KIFC3: variants seen among roughly 807,000 people sequenced by gnomAD.
KIFC3 encodes kinesin family member C3.
In KIFC3, 60 loss-of-function variants were observed where a neutral mutation model predicts 101.8. The observed-to-expected ratio is 0.59, with a 90% confidence interval of 0.48 to 0.73. The LOEUF is 0.73. Among genes scored for constraint, KIFC3 ranks in the 30% least tolerant of loss-of-function variants. The probability of loss-of-function intolerance (pLI) is 0.00; values close to 1 mark genes in which losing one functional copy is unlikely to be tolerated. For missense variants in KIFC3, 966 were observed against 1,137.1 expected (o/e 0.85, Z 2.16); for synonymous variants, 476 against 482.7 (o/e 0.99, Z 0.18).
At chr16:57,828,344 G>A (rs16959396) in intron 1 of KIFC3, among the ~76,000 whole-genome samples, 12,569 of 152,322 alleles carry the variant, frequency 0.083, 931 homozygotes, top group East Asian at 0.21. Context: ...ACCGGGACTC[G>A]GCCCAAGGCT....
Position 57,765,569 on chromosome 16 carries a change from C to G in KIFC3, c.1402G>C (p.Ala468Pro). Residue 468 changes from alanine (A) to proline (P), a missense_variant, in exon 11 of 20, where the codon GCT (alanine) becomes CCT (proline). Coordinates refer to ENST00000445690, the MANE Select transcript of KIFC3 (RefSeq NM_001130100.2). ...TCGTCGTCGGCATCGAAAGTCACAG[C>G]ATTGGTGGCCTCAGGTCCTTCCCCA... ...EDGEGPEATN[A>P]VTFDADDDSI... 6.2e-7 allele frequency: 1 copy of G among 1,609,568 alleles called. No homozygotes were observed. The highest frequency in any genetic ancestry group is 8.5e-7 in the Non-Finnish European group (1 of 1,177,870).
chr16:57,802,995 G>T (rs1555626105), upstream of KIFC3: 1 of 1,535,790 alleles, frequency 6.5e-7, no homozygotes. The surrounding 1 kb of genome is among the most constrained non-coding windows in gnomAD (Gnocchi z 5.0). Context: ...CCGTGTCCTT[G>T]CACGCGCTGG....
chr16:57,763,476 A>T (rs907860386), intron 12 of KIFC3, among the ~76,000 whole-genome samples: 7 of 151,766 alleles, frequency 4.6e-5, no homozygotes, highest in Admixed American at 3.3e-4. Flanking sequence ...ACGCCACACC[A>T]CCTGGCCTCC....
rs1282504308 is a variant in KIFC3 at position 57,776,267 on chromosome 16, C to T, written c.316-3979G>A. ...CAAGGAAACTCAGCCCAGAGGCCAG[C>T]GGGGCGGCCCTGGGAGCACACCCTG... On this transcript the variant is annotated intron_variant, in intron 3 of 19. Coordinates refer to ENST00000445690, the MANE Select transcript of KIFC3 (RefSeq NM_001130100.2). 8.1e-6 allele frequency: 8 copies of T among 985,336 alleles called. No homozygotes were observed. In the African/African-American group the frequency reaches 1.0e-4, roughly 13 times the overall value. The allele number at this position is 985,336 out of a possible 1,614,324, so 61.0% of individuals were successfully genotyped here. A position where few individuals can be genotyped will look rare whatever the true frequency, so the allele number is the denominator to read the frequency against.
chr16:57,832,321 C>CA (rs2055598429), intron 1 of KIFC3, among the ~76,000 whole-genome samples: 1 of 73,494 alleles, frequency 1.4e-5, no homozygotes, highest in Non-Finnish European at 2.4e-5. Flanking sequence ...GCGCCAGGCC[C>CA]TTTTTTTTTT....
upstream of KIFC3, chr16:57,803,205 C>T: frequency 1.4e-6 from 1 of 727,478 alleles, no homozygotes; most frequent in Admixed American, 2.0e-5. Flanking sequence ...CAGTTCCCGG[C>T]CTTGCTGCAG....
chr16:57,782,927 C>G (rs944512388), intron 3 of KIFC3, among the ~76,000 whole-genome samples: 1 of 152,170 alleles, frequency 6.6e-6, no homozygotes, highest in Admixed American at 6.5e-5. Context: ...GCCTGGGCAA[C>G]AAGAGCGAAA....
intron 1 of KIFC3, among the ~76,000 whole-genome samples, chr16:57,825,053 C>A (rs998592966): frequency 6.6e-6 from 1 of 152,208 alleles, no homozygotes; most frequent in South Asian, 2.1e-4. Context: ...CAACAGGGCA[C>A]TTCACAACAA....
chr16:57,802,933 C>T, upstream of KIFC3: 1 of 1,516,676 alleles, frequency 6.6e-7, no homozygotes, highest in Non-Finnish European at 8.9e-7. The surrounding 1 kb of genome is among the most constrained non-coding windows in gnomAD (Gnocchi z 5.0). Context: ...GTCTTCCCAT[C>T]CCAACACACA....
At chr16:57,817,090 G>C in intron 1 of KIFC3, 2 of 277,620 alleles carry the variant, frequency 7.2e-6, no homozygotes, top group Non-Finnish European at 1.4e-5. Flanking sequence ...CAGGCGTGGT[G>C]GCTCACGCCT....
At chr16:57,795,885 T>TTTTTTTTG (rs2054263573) in intron 2 of KIFC3, among the ~76,000 whole-genome samples, 1 of 17,008 alleles carries the variant, frequency 5.9e-5, no homozygotes. Context: ...GGCTTTTTTG[T>TTTTTTTTG]TTTTTTTTTT....
At chr16:57,860,994 G>A (rs1959239202) in intron 1 of KIFC3, among the ~76,000 whole-genome samples, 1 of 152,122 alleles carries the variant, frequency 6.6e-6, no homozygotes, top group Non-Finnish European at 1.5e-5. Context: ...TTACAGGCAT[G>A]AGCCACCATG....
Position 57,770,654 on chromosome 16 carries a change from GC to G in KIFC3, c.811del (p.Ala271ProfsTer23). ...GTTCCGGGCCTGGGACTCGCTGAGG[GC>G]CTGCTTGGTCTTGGACGACTCCACC... ...VEVESSKTKQ[A>X]LSESQARNQH... is the part of the protein sequence containing the mutation. On this transcript the variant is annotated frameshift_variant, in exon 7 of 20. Coordinates refer to ENST00000445690, the MANE Select transcript of KIFC3 (RefSeq NM_001130100.2). LOFTEE classifies it high-confidence loss of function. The G allele has an allele frequency of 6.4e-7, 1 of 1,559,442 alleles. No individual in the cohort carries two copies. The highest frequency in any genetic ancestry group is 8.7e-7 in the Non-Finnish European group (1 of 1,152,360).
At chr16:57,855,101 C>T (rs1407739823) in intron 1 of KIFC3, among the ~76,000 whole-genome samples, 1 of 149,890 alleles carries the variant, frequency 6.7e-6, no homozygotes, top group Non-Finnish European at 1.5e-5. Flanking sequence ...GAAAGGGGTT[C>T]CCCCTCCCCA....
intron 1 of KIFC3, among the ~76,000 whole-genome samples, chr16:57,809,049 T>C (rs2055007722): frequency 6.6e-6 from 1 of 152,192 alleles, no homozygotes; most frequent in Non-Finnish European, 1.5e-5. Context: ...CCCAGCTTCT[T>C]GGAAGGCAGA....
chr16:57,847,273 A>AAGGG (rs1302339297), intron 1 of KIFC3, among the ~76,000 whole-genome samples: 2 of 66,832 alleles, frequency 3.0e-5, no homozygotes, highest in South Asian at 7.0e-4. Flanking sequence ...GAAGGAAGGG[A>AAGGG]AGGGAGGGAG....
intron 2 of KIFC3, chr16:57,797,651 C>G (rs1246584565): frequency 1.8e-6 from 2 of 1,091,952 alleles, no homozygotes; most frequent in Admixed American, 4.9e-5. Flanking sequence ...GGGGCCAGCC[C>G]AGGCAGGATC....
intron 1 of KIFC3, among the ~76,000 whole-genome samples, chr16:57,821,129 T>G (rs4784861): frequency 0.1 from 13,471 of 130,486 alleles, 1,089 homozygotes; most frequent in Admixed American, 0.23. Context: ...AGCCTGTGTA[T>G]TAAAAAAAAA....
chr16:57,786,570 G>A (rs980042711), intron 3 of KIFC3, among the ~76,000 whole-genome samples: 2 of 152,166 alleles, frequency 1.3e-5, no homozygotes, highest in Non-Finnish European at 2.9e-5. Flanking sequence ...CCCTCAGGGA[G>A]CACCAAATGG....
Sources: allele counts gnomAD v4.1 joint callset (sites outside exome capture counted in the v4.1 genomes callset), GRCh38; gene constraint gnomAD v4.1.1; non-coding constraint Gnocchi (gnomAD v3.1); transcripts MANE v1.5; gene names NCBI Gene and HGNC (gene_info 2026-07-23, HGNC 2026-07-21).